The following CARF variants were observed in gnomAD, a reference collection of about 807,000 sequenced individuals.
CARF encodes calcium-responsive transcription factor.
In CARF, 57 loss-of-function variants were observed where a neutral mutation model predicts 82.0. The ratio of observed to expected loss-of-function variants is 0.70; its 90% CI spans 0.56 to 0.87. CARF has a LOEUF of 0.87. Among genes scored for constraint, CARF ranks in the 40% least tolerant of loss-of-function variants. The pLI is 0.00. For missense variants in CARF, 771 were observed against 855.8 expected, an observed-to-expected ratio of 0.90 and a Z score of 1.24; for synonymous variants, 268 against 290.1, an observed-to-expected ratio of 0.92 and a Z score of 0.77.
At chr2:202,965,520 T>A (rs779521937) in intron 9 of CARF, among the ~76,000 whole-genome samples, 41 of 152,162 alleles carry the variant, frequency 2.7e-4, no homozygotes, top group Non-Finnish European at 4.9e-4. Flanking sequence ...TGGCTATTCA[T>A]AGCCTTTGCA....
intron 3 of CARF, chr2:202,925,085 A>C: frequency 2.4e-6 from 1 of 412,062 alleles, no homozygotes; most frequent in Non-Finnish European, 4.8e-6. Flanking sequence ...AACCTAAAGC[A>C]GCAACTGGAC....
In CARF at chr2:202,913,024, A is replaced by G. The variant is rs1422362282; in HGVS notation, c.-408A>G. The G allele has an allele frequency of 6.6e-6, 1 of 152,154 alleles. No individual in the cohort carries two copies. Among genetic ancestry groups the G allele is most frequent in the Non-Finnish European group, 1.5e-5 (1 of 68,054 alleles). 9.4% of individuals were successfully genotyped at this position (152,154 alleles called of 1,614,324 possible). ...AGATAACTATCCTGATCCCAATGTCACTTTTTAAGGCATTCGCTTCAAGAG... is the reference window on the plus strand; with the variant it reads ...AGATAACTATCCTGATCCCAATGTCGCTTTTTAAGGCATTCGCTTCAAGAG... On this transcript the variant is annotated 5_prime_UTR_variant, in exon 1 of 17. Coordinates refer to ENST00000438828, the MANE Select transcript of CARF (RefSeq NM_024744.17).
chr2:202,983,412 C>A, intron 16 of CARF, 94 bp from the exon 17 acceptor site: 1 of 800,946 alleles, frequency 1.2e-6, no homozygotes. Flanking sequence ...AAAGTTTTCA[C>A]AGAAGTTATT....
intron 8 of CARF, 48 bp from the exon 9 acceptor site, chr2:202,961,189 C>G: frequency 7.1e-7 from 1 of 1,407,056 alleles, no homozygotes. Flanking sequence ...ATTTATTATG[C>G]AATGAAGTGT....
Position 202,925,995 on chromosome 2 carries a change from C to G in CARF, c.-44+1580C>G, listed in dbSNP as rs541594662. ...TCCAGCTTAGACTCTGGCAGGGGCT[C>G]CACCTCCTTCAGCTGCACCAGCTCC... On this transcript the variant is annotated intron_variant, in intron 3 of 16. Transcript: ENST00000438828. The G allele has an allele frequency of 1.6e-4, 26 of 158,102 alleles. No homozygotes were observed. The South Asian group carries it at 3.8e-3, about 23-fold the overall frequency. 9.8% of individuals were successfully genotyped at this position (158,102 alleles called of 1,614,324 possible). A position where few individuals can be genotyped will look rare whatever the true frequency, so the allele number is the denominator to read the frequency against.
intron 3 of CARF, among the ~76,000 whole-genome samples, chr2:202,939,302 C>T (rs1433315928): frequency 2.0e-5 from 3 of 152,052 alleles, no homozygotes; most frequent in Non-Finnish European, 4.4e-5. Flanking sequence ...ATTTAGTATA[C>T]CCCTTAACCT....
chr2:202,987,198 A>G lies in CARF; in HGVS notation c.*3574A>G, dbSNP rs1176293650. ...CCCTGCAACTCAGCCAAGCATCAAC[A>G]TTTTAAAACAATGTGTGTAATAAGT... On this transcript the variant is annotated 3_prime_UTR_variant, in exon 17 of 17. Coordinates refer to ENST00000438828, the MANE Select transcript of CARF (RefSeq NM_024744.17). The G allele has an allele frequency of 6.6e-6, 1 of 151,912 alleles. No individual in the cohort carries two copies. Among genetic ancestry groups the G allele is most frequent in the Non-Finnish European group, 1.5e-5 (1 of 68,038 alleles). 9.4% of individuals were successfully genotyped at this position (151,912 alleles called of 1,614,324 possible).
chr2:202,982,232 A>G lies in CARF; in HGVS notation c.1850A>G (p.Gln617Arg). ...CTGCTTGGTCAAAGTCATAGCCTTC[A>G]AAGAGATACATGCTTAACCCAAAAC... ...SLLLGQSHSL[Q>R]RDTCLTQNNS... The change falls in exon 16 of 17, where the codon CAA becomes CGA. Residue 617 changes from glutamine (Q) to arginine (R), a missense_variant. Coordinates refer to ENST00000438828, the MANE Select transcript of CARF (RefSeq NM_024744.17). 6.2e-7 allele frequency: 1 copy of G among 1,614,178 alleles called. No homozygotes were observed. Among genetic ancestry groups the G allele is most frequent in the East Asian group, 2.2e-5 (1 of 44,860 alleles).
intron 8 of CARF, among the ~76,000 whole-genome samples, chr2:202,958,871 C>CTCCA (rs1212401374): frequency 6.9e-6 from 1 of 145,512 alleles, no homozygotes; most frequent in Non-Finnish European, 1.5e-5. Context: ...TACCACTGTA[C>CTCCA]TCCAGCCTGG....
chr2:202,917,966 C>A lies in CARF; in HGVS notation c.-240C>A. On this transcript the variant is annotated 5_prime_UTR_variant, in exon 2 of 17. Coordinates refer to ENST00000438828, the MANE Select transcript of CARF (RefSeq NM_024744.17). The stretch of plus-strand genomic sequence containing the variant: ...TTAGTGCCCCCAAAAGGAAGAACTT[C>A]AGTGGACAAGAAAGGACATTTCTGG... 4.7e-6 allele frequency: 2 copies of A among 425,570 alleles called. No individual in the cohort carries two copies. Among genetic ancestry groups the A allele is most frequent in the South Asian group, 1.8e-5 (1 of 56,920 alleles). The allele number at this position is 425,570 out of a possible 1,614,324, so 26.4% of individuals were successfully genotyped here. A position where few individuals can be genotyped will look rare whatever the true frequency, so the allele number is the denominator to read the frequency against.
At chr2:202,929,437 G>T (rs2105749287) in intron 3 of CARF, among the ~76,000 whole-genome samples, 1 of 152,276 alleles carries the variant, frequency 6.6e-6, no homozygotes, top group African/African-American at 2.4e-5. Context: ...TTATCAAAGG[G>T]ACTGTCCCTT....
At chr2:202,927,682 G>A (rs944229143) in intron 3 of CARF, among the ~76,000 whole-genome samples, 14 of 151,782 alleles carry the variant, frequency 9.2e-5, no homozygotes, top group Admixed American at 3.3e-4. Flanking sequence ...TCATTTCTTT[G>A]TATTGGGACC....
chr2:202,977,890 G>T (rs2060097652), intron 14 of CARF, among the ~76,000 whole-genome samples: 3 of 152,134 alleles, frequency 2.0e-5, no homozygotes, highest in African/African-American at 7.2e-5. Context: ...CTGTCACCCA[G>T]ACTGGAGTGC....
intron 12 of CARF, among the ~76,000 whole-genome samples, chr2:202,972,138 G>A (rs1051979710): frequency 1.3e-5 from 2 of 151,904 alleles, no homozygotes; most frequent in Non-Finnish European, 2.9e-5. Context: ...CAATAATTTG[G>A]ATAGTTCTTT....
At chr2:202,923,929 G>C (rs1184988691) in intron 2 of CARF, among the ~76,000 whole-genome samples, 1 of 152,160 alleles carries the variant, frequency 6.6e-6, no homozygotes, top group African/African-American at 2.4e-5. Flanking sequence ...CCACATGTAG[G>C]AGAATGAAAC....
At position 202,954,135 on chromosome 2, in the gene CARF, G is replaced by C. The variant is rs2058905737; in HGVS notation, c.557+1G>C. ...CATTGCCCAAAAAGTCAGTGACCGGGTGAGTCCACGGGAAAGAGAAGCTCA... is the reference window on the plus strand; with the variant it reads ...CATTGCCCAAAAAGTCAGTGACCGGCTGAGTCCACGGGAAAGAGAAGCTCA... On this transcript the variant is annotated splice_donor_variant, in intron 7 of 16. Coordinates refer to ENST00000438828, the MANE Select transcript of CARF (RefSeq NM_024744.17). LOFTEE classifies it high-confidence loss of function. The C allele has an allele frequency of 6.2e-7, 1 of 1,611,658 alleles. No homozygotes were observed. The highest frequency in any genetic ancestry group is 1.3e-5 in the African/African-American group (1 of 74,754).
chr2:202,940,016 A>ATTGT (rs1283388850), intron 3 of CARF, among the ~76,000 whole-genome samples: 9 of 150,594 alleles, frequency 6.0e-5, no homozygotes, highest in African/African-American at 2.0e-4. Flanking sequence ...GCAGTTTTTC[A>ATTGT]TTGTTTCTTT....
At chr2:202,928,342 A>C (rs560569649) in intron 3 of CARF, among the ~76,000 whole-genome samples, 27 of 152,256 alleles carry the variant, frequency 1.8e-4, no homozygotes, top group African/African-American at 6.5e-4. Context: ...TATTGTGTAT[A>C]TATACCACAT....
rs1161183773 is a variant in CARF at position 202,926,995 on chromosome 2, T to G, written c.-44+2580T>G. Among the ~76,000 whole-genome samples the G allele has an allele frequency of 3.9e-5, 6 of 152,226 alleles. No homozygotes were observed. In the South Asian group the frequency reaches 1.2e-3, roughly 32 times the overall value. On this transcript the variant is annotated intron_variant, in intron 3 of 16. Coordinates refer to ENST00000438828, the MANE Select transcript of CARF (RefSeq NM_024744.17). ...TGCCCAGCTAATTTTTATATTTTTT[T>G]GTAGAGATAAGGTTTCATCATGTTG...
Sources: gnomAD v4.1 joint callset for allele counts (sites outside exome capture counted in the v4.1 genomes callset) on GRCh38, gnomAD v4.1.1 for gene constraint, MANE v1.5 for transcripts, NCBI Gene and HGNC (gene_info 2026-07-23, HGNC 2026-07-21) for gene names.